MAP3K13: variants seen among roughly 807,000 people sequenced by gnomAD.
MAP3K13 encodes the protein leucine zipper-bearing kinase.
In MAP3K13, 52 loss-of-function variants were observed where a neutral mutation model predicts 104.0. That is an observed-to-expected ratio of 0.50 (90% CI 0.40 to 0.63). MAP3K13 has a LOEUF of 0.63. MAP3K13 is among the 20% of genes least tolerant of loss of function. The probability of loss-of-function intolerance (pLI) is 0.00; values close to 1 mark genes in which losing one functional copy is unlikely to be tolerated. For synonymous variants in MAP3K13, 394 were observed against 442.2 expected (o/e 0.89, Z 1.37); for missense variants, 914 against 1,218.5 (o/e 0.75, Z 3.72).
chr3:185,427,078 C>T (rs955074972), intron 1 of MAP3K13, among the ~76,000 whole-genome samples: 5 of 152,000 alleles, frequency 3.3e-5, no homozygotes, highest in African/African-American at 9.7e-5. Flanking sequence ...TTGGGCTGGG[C>T]GCAGTGGCCC....
chr3:185,457,641 T>C (rs1053480394), intron 7 of MAP3K13, among the ~76,000 whole-genome samples: 16 of 152,214 alleles, frequency 1.1e-4, no homozygotes, highest in African/African-American at 3.9e-4. Flanking sequence ...CATATGAATT[T>C]GGAGGGAACA....
chr3:185,323,828 A>G (rs2108698148), intron 2 of MAP3K13, among the ~76,000 whole-genome samples: 1 of 152,306 alleles, frequency 6.6e-6, no homozygotes, highest in South Asian at 2.1e-4. Context: ...TTTGCTCTTC[A>G]GAGAGGTTCT....
Position 185,443,192 on chromosome 3 carries a change from G to A in MAP3K13, c.660-253G>A, listed in dbSNP as rs369069907. On this transcript the variant is annotated intron_variant, in intron 3 of 13. Transcript: ENST00000265026. ...TGTCCCGGAATGGAAGGGTCCCACA[G>A]AAAAGGCACCAGACACAGCACAGCA... Among the ~76,000 whole-genome samples the A allele has an allele frequency of 1.9e-4, 29 of 152,120 alleles. 1 individual carries two copies. The highest frequency in any genetic ancestry group is 1.3e-3 in the Admixed American group (20 of 15,264).
rs1159166449 is a variant in MAP3K13 at position 185,455,245 on chromosome 3, T to TGA, written c.1278+3851_1278+3852dup. On this transcript the variant is annotated intron_variant, in intron 7 of 13. Coordinates refer to ENST00000265026, the MANE Select transcript of MAP3K13 (RefSeq NM_004721.5). ...ATATGATATATATGAGATATATATATGATATATATGAGATATATGAGATAT... is the reference window on the plus strand; with the variant it reads ...ATATGATATATATGAGATATATATATGAGATATATATGAGATATATGAGATAT... Among the ~76,000 whole-genome samples, 6 of 13,324 alleles carry TGA rather than the reference T, an allele frequency of 4.5e-4. 1 individual carries two copies. The highest frequency in any genetic ancestry group is 2.6e-3 in the East Asian group (1 of 386). 8.7% of individuals were successfully genotyped at this position (13,324 alleles called of 152,430 possible).
At chr3:185,458,353 G>A (rs1305415759) in intron 7 of MAP3K13, among the ~76,000 whole-genome samples, 1 of 121,946 alleles carries the variant, frequency 8.2e-6, no homozygotes, top group Non-Finnish European at 1.7e-5. Flanking sequence ...GGGCAATAGA[G>A]CGAGACCCCA....
chr3:185,290,243 A>T (rs1720684157), intron 2 of MAP3K13, among the ~76,000 whole-genome samples: 2 of 152,210 alleles, frequency 1.3e-5, no homozygotes, highest in South Asian at 4.1e-4. Context: ...TAAAAAAATT[A>T]TACAAGTAAT....
intron 1 of MAP3K13, among the ~76,000 whole-genome samples, chr3:185,370,080 CA>C (rs1724080150): frequency 6.6e-6 from 1 of 152,292 alleles, no homozygotes; most frequent in East Asian, 1.9e-4. Flanking sequence ...TTAATGCTAA[CA>C]TTGTAAGATT....
chr3:185,403,164 G>A (rs774936654), intron 1 of MAP3K13, among the ~76,000 whole-genome samples: 7 of 152,280 alleles, frequency 4.6e-5, no homozygotes, highest in South Asian at 2.1e-4. Flanking sequence ...GTAGATAGGC[G>A]TAATCTAATC....
chr3:185,339,366 A>G (rs1191611599), intron 2 of MAP3K13, among the ~76,000 whole-genome samples: 6 of 152,238 alleles, frequency 3.9e-5, no homozygotes, highest in Non-Finnish European at 8.8e-5. Context: ...ATGAAATGAA[A>G]TAAAATGCTA....
chr3:185,335,021 T>C (rs575764711), intron 2 of MAP3K13, among the ~76,000 whole-genome samples: 1 of 146,182 alleles, frequency 6.8e-6, no homozygotes, highest in South Asian at 2.2e-4. Flanking sequence ...GATCTAAACA[T>C]AGAACCAGAA....
At chr3:185,426,659 T>A (rs950896052) in intron 1 of MAP3K13, among the ~76,000 whole-genome samples, 1 of 152,140 alleles carries the variant, frequency 6.6e-6, no homozygotes, top group Non-Finnish European at 1.5e-5. Context: ...TAGCCTACAT[T>A]CCAGCCACTT....
chr3:185,293,914 G>A (rs1397575551), intron 2 of MAP3K13, among the ~76,000 whole-genome samples: 1 of 152,082 alleles, frequency 6.6e-6, no homozygotes, highest in Non-Finnish European at 1.5e-5. Flanking sequence ...ATGCCTTATG[G>A]ATATTTAATA....
rs536627837 is a variant in MAP3K13, at chr3:185,469,283, C to T, written c.1643+2320C>T. 2.6e-5 allele frequency among the ~76,000 whole-genome samples: 4 copies of T among 152,224 alleles called. No individual in the cohort carries two copies. The South Asian group carries it at 8.3e-4, about 32-fold the overall frequency. ...CCAGCCTGTCATAAGTGAGTACAGT[C>T]CAAAAAGATAGTCTAAATACCCTGT... is the stretch of plus-strand genomic sequence containing the variant. On this transcript the variant is annotated intron_variant, in intron 10 of 13. Coordinates refer to ENST00000265026, the MANE Select transcript of MAP3K13 (RefSeq NM_004721.5).
Position 185,322,948 on chromosome 3 carries a change from A to C in MAP3K13, c.-86+37305A>C, listed in dbSNP as rs188570885. Among the ~76,000 whole-genome samples the C allele has an allele frequency of 1.3e-3, 195 of 152,298 alleles. 6 individuals carry two copies. In the South Asian group the frequency reaches 0.013, roughly 10 times the overall value. ...CACCTCATGCCAAGATTACTTCCAC[A>C]GTTGCCCATCTGACCTTTTTGGTTC... On this transcript the variant is annotated intron_variant, in intron 2 of 14. Transcript: ENST00000424227.
intron 1 of MAP3K13, 87 bp downstream of exon 1, chr3:185,363,455 A>AGG (rs1281981180): frequency 1.4e-6 from 1 of 717,918 alleles, no homozygotes; most frequent in African/African-American, 1.9e-5. Flanking sequence ...GTGATTAGAA[A>AGG]GCTGATATTA....
Position 185,433,488 on chromosome 3 carries a change from CT to C in MAP3K13, c.476-3953del, listed in dbSNP as rs75565975. 0.018 allele frequency among the ~76,000 whole-genome samples: 2,683 copies of C among 152,210 alleles called. 153 individuals carry two copies. The East Asian group carries it at 0.22, about 12-fold the overall frequency. Reference sequence around the variant, plus strand: ...TTTGTGCATCCTTATCACCAATTTCCTTTTTTCTGCCATTTTCCCATTTCTG... The same window carrying C: ...TTTGTGCATCCTTATCACCAATTTCCTTTTTCTGCCATTTTCCCATTTCTG... On this transcript the variant is annotated intron_variant, in intron 2 of 13. Coordinates refer to ENST00000265026, the MANE Select transcript of MAP3K13 (RefSeq NM_004721.5).
At chr3:185,299,001 A>C (rs946346832) in intron 2 of MAP3K13, among the ~76,000 whole-genome samples, 1 of 152,206 alleles carries the variant, frequency 6.6e-6, no homozygotes, top group Non-Finnish European at 1.5e-5. Flanking sequence ...TTCGCTCATA[A>C]AATCTATTAA....
At chr3:185,348,874 G>A (rs1016682797) in intron 2 of MAP3K13, among the ~76,000 whole-genome samples, 7 of 152,090 alleles carry the variant, frequency 4.6e-5, no homozygotes, top group African/African-American at 1.4e-4. Context: ...CTGAGATCGC[G>A]GCACTGCACT....
chr3:185,425,755 T>A (rs1449959770), intron 1 of MAP3K13, among the ~76,000 whole-genome samples: 1 of 152,220 alleles, frequency 6.6e-6, no homozygotes, highest in Non-Finnish European at 1.5e-5. Flanking sequence ...CTACCTGGAA[T>A]GCCTAGTCTT....
Sources: allele counts gnomAD v4.1 joint callset (sites outside exome capture counted in the v4.1 genomes callset), GRCh38; gene constraint gnomAD v4.1.1; transcripts MANE v1.5; gene names NCBI Gene and HGNC (gene_info 2026-07-23, HGNC 2026-07-21).